Variants in CCDC175 observed in about 807,000 individuals in gnomAD.
CCDC175 encodes coiled-coil domain containing 175.
CCDC175 carries 100 observed loss-of-function variants against 114.6 expected under a neutral mutation model. The ratio of observed to expected loss-of-function variants is 0.87; its 90% CI spans 0.74 to 1.03. The LOEUF (loss-of-function observed/expected upper bound fraction) is 1.03. CCDC175 is among the 50% of genes least tolerant of loss of function. The pLI is 0.00. For synonymous variants in CCDC175, 306 were observed against 308.7 expected, an observed-to-expected ratio of 0.99 and a Z score of 0.09; for missense variants, 880 against 917.8, an observed-to-expected ratio of 0.96 and a Z score of 0.53.
At chr14:59,551,183 T>C (rs958780878) in intron 8 of CCDC175, 172 bp downstream of exon 8, 4 of 436,844 alleles carry the variant, frequency 9.2e-6, no homozygotes, top group Non-Finnish European at 8.0e-6. Flanking sequence ...CTCTTTGATA[T>C]AATTAAAGTA....
In CCDC175 at chr14:59,538,781, TTGGC is replaced by T. The variant is rs1894571324; in HGVS notation, c.1411_1414del (p.Ala471ArgfsTer2). ...AATAGCTTGTATTTCAGCTTTTATC[TTGGC>T]TGTCCAACGTGCATGCTTTTTTCTC... On this transcript the variant is annotated frameshift_variant, in exon 12 of 20. Transcript: ENST00000537690. LOFTEE classifies it high-confidence loss of function. The T allele has an allele frequency of 6.5e-7, 1 of 1,536,912 alleles. No individual in the cohort carries two copies.
chr14:59,557,821 T>C (rs956400170), intron 7 of CCDC175, among the ~76,000 whole-genome samples: 9 of 152,230 alleles, frequency 5.9e-5, no homozygotes, highest in Non-Finnish European at 1.3e-4. Flanking sequence ...ATTGAACACA[T>C]ACGCTGCCAG....
At chr14:59,512,494 T>C (rs1482963069) in intron 17 of CCDC175, among the ~76,000 whole-genome samples, 1 of 152,212 alleles carries the variant, frequency 6.6e-6, no homozygotes, top group Non-Finnish European at 1.5e-5. Context: ...AGAAGGTTGC[T>C]CCAGATTTCC....
intron 15 of CCDC175, among the ~76,000 whole-genome samples, chr14:59,526,493 T>C (rs1312775739): frequency 6.6e-6 from 1 of 151,330 alleles, no homozygotes; most frequent in African/African-American, 2.4e-5. Flanking sequence ...GAGGCTGAGG[T>C]TGCAGTAAGC....
At position 59,523,686 on chromosome 14, in the gene CCDC175, A is replaced by G. The variant is rs536825015; in HGVS notation, c.1995+1596T>C. Among the ~76,000 whole-genome samples, 5 of 152,268 alleles carry G rather than the reference A, an allele frequency of 3.3e-5. No individual in the cohort carries two copies. In the East Asian group the frequency reaches 9.6e-4, roughly 29 times the overall value. ...GAAATGGTATTTCTTTTGCCTTTTC[A>G]GTTTATAAAGAAGTCACATTCAGCC... On this transcript the variant is annotated intron_variant, in intron 16 of 19. Coordinates refer to ENST00000537690, the MANE Select transcript of CCDC175 (RefSeq NM_001164399.2).
chr14:59,575,059 T>C (rs1359473805), intron 1 of CCDC175, 31 bp from the exon 2 acceptor site: 2 of 1,227,390 alleles, frequency 1.6e-6, no homozygotes, highest in Non-Finnish European at 2.3e-6. Context: ...TAAAGATCTC[T>C]TATTTATCTA....
In CCDC175 at chr14:59,515,103, G is replaced by A. The variant is rs140977921; in HGVS notation, c.2099-3300C>T. Among the ~76,000 whole-genome samples, 593 of 152,280 alleles carry A rather than the reference G, an allele frequency of 3.9e-3. 3 individuals are homozygous for A. Among genetic ancestry groups the A allele is most frequent in the African/African-American group, 0.013 (557 of 41,548 alleles). The stretch of plus-strand genomic sequence containing the variant: ...TGAAGGAGAAATAAAATCCTTTATA[G>A]ACAAGCAAATGATGAGAGATTTTGT... On this transcript the variant is annotated intron_variant, in intron 17 of 19. Transcript: ENST00000537690.
At chr14:59,558,755 T>C (rs1440707440) in intron 7 of CCDC175, among the ~76,000 whole-genome samples, 1 of 152,128 alleles carries the variant, frequency 6.6e-6, no homozygotes, top group East Asian at 1.9e-4. Flanking sequence ...AGGTGTACAG[T>C]ATCTGCATTT....
chr14:59,510,215 T>C (rs888162046), intron 19 of CCDC175, among the ~76,000 whole-genome samples: 2 of 152,204 alleles, frequency 1.3e-5, no homozygotes, highest in South Asian at 2.1e-4. Context: ...AGATATGATG[T>C]GTTAACATCT....
At chr14:59,535,756 A>G (rs1894353996) in intron 13 of CCDC175, among the ~76,000 whole-genome samples, 8 of 152,246 alleles carry the variant, frequency 5.3e-5, no homozygotes, top group Admixed American at 4.6e-4. Flanking sequence ...CAAAGTACTT[A>G]TGATGGCCTA....
intron 17 of CCDC175, among the ~76,000 whole-genome samples, chr14:59,512,217 T>C (rs1419367144): frequency 1.3e-5 from 2 of 152,204 alleles, no homozygotes; most frequent in Non-Finnish European, 2.9e-5. Flanking sequence ...CAAGTGGGCT[T>C]TATGCTAAGA....
intron 7 of CCDC175, among the ~76,000 whole-genome samples, chr14:59,552,494 T>C (rs998627217): frequency 2.6e-5 from 4 of 151,880 alleles, no homozygotes; most frequent in African/African-American, 9.7e-5. Flanking sequence ...AGACCAAAGG[T>C]AGATAAAACC....
chr14:59,537,401 G>T (rs1321022132), intron 13 of CCDC175, among the ~76,000 whole-genome samples: 1 of 152,064 alleles, frequency 6.6e-6, no homozygotes, highest in Admixed American at 6.6e-5. Context: ...TTCAAATAAA[G>T]CCCCTCTTTG....
intron 4 of CCDC175, 55 bp downstream of exon 4, chr14:59,568,190 C>G: frequency 6.8e-7 from 1 of 1,467,692 alleles, no homozygotes; most frequent in South Asian, 1.4e-5. Context: ...CGACAATTTT[C>G]CCACTCCAGC....
chr14:59,516,856 G>C (rs548007575), intron 17 of CCDC175, among the ~76,000 whole-genome samples: 22 of 152,156 alleles, frequency 1.4e-4, no homozygotes, highest in African/African-American at 5.1e-4. Context: ...GCCTAGCAGA[G>C]ACACAACAAA....
intron 17 of CCDC175, among the ~76,000 whole-genome samples, chr14:59,518,056 A>C (rs1431597306): frequency 1.3e-5 from 2 of 152,248 alleles, no homozygotes; most frequent in African/African-American, 4.8e-5. Context: ...ACCTGACAAA[A>C]ACAAGAAATG....
intron 7 of CCDC175, among the ~76,000 whole-genome samples, chr14:59,558,560 G>A (rs1309926018): frequency 1.3e-5 from 2 of 152,176 alleles, no homozygotes; most frequent in Non-Finnish European, 2.9e-5. Flanking sequence ...AAGCAGAAAT[G>A]GTAGATGGCC....
chr14:59,551,287 A>G (rs879069735), intron 8 of CCDC175, 68 bp downstream of exon 8: 3 of 724,694 alleles, frequency 4.1e-6, no homozygotes, highest in South Asian at 5.1e-5. Flanking sequence ...TATTTCTCAC[A>G]TATTTTAAAC....
At chr14:59,533,340 G>A (rs982266206) in intron 13 of CCDC175, among the ~76,000 whole-genome samples, 2 of 152,222 alleles carry the variant, frequency 1.3e-5, no homozygotes, top group African/African-American at 2.4e-5. Context: ...AAGCAATGTT[G>A]CTTCATAATA....
Sources: allele counts gnomAD v4.1 joint callset (sites outside exome capture counted in the v4.1 genomes callset), GRCh38; gene constraint gnomAD v4.1.1; transcripts MANE v1.5; gene names NCBI Gene and HGNC (gene_info 2026-07-23, HGNC 2026-07-21).